Variants in RYR2 observed in about 807,000 individuals in gnomAD.
RYR2 encodes the protein ryanodine receptor 2, also known as cardiac muscle ryanodine receptor-calcium release channel.
Under a neutral mutation model 601.1 loss-of-function variants are expected in RYR2, and 227 were observed. The observed-to-expected ratio is 0.38, with a 90% CI of 0.34 to 0.42. RYR2 has a LOEUF of 0.42. RYR2 is among the 10% of genes least tolerant of loss of function. RYR2 has a pLI of 1.00. For synonymous variants in RYR2, 2,223 were observed against 2,175.1 expected, an observed-to-expected ratio of 1.02 and a Z score of -0.61; for missense variants, 4,646 against 6,156.5, an observed-to-expected ratio of 0.75 and a Z score of 8.21.
intron 1 of RYR2, among the ~76,000 whole-genome samples, chr1:237,118,290 C>G (rs1670362556): frequency 6.6e-6 from 1 of 151,868 alleles, no homozygotes; most frequent in Admixed American, 6.6e-5. Context: ...TCTTCCCACT[C>G]ACCTTACAGA....
At chr1:237,615,084 A>G (rs1678323983) in intron 37 of RYR2, among the ~76,000 whole-genome samples, 1 of 152,164 alleles carries the variant, frequency 6.6e-6, no homozygotes, top group Non-Finnish European at 1.5e-5. Context: ...AAGCCATCAA[A>G]TACCCCTTTC....
rs184252139 is a variant in RYR2, at chr1:237,785,846, C to T, written c.13261-123C>T. 2.3e-4 allele frequency: 165 copies of T among 715,778 alleles called. 1 individual carries two copies. In the East Asian group the frequency reaches 3.2e-3, roughly 14 times the overall value. The allele number at this position is 715,778 out of a possible 1,614,324, so 44.3% of individuals were successfully genotyped here. ...AATGAAAAACACGTGGCGCTTTTAT[C>T]GTGGTATAAGCAAGAGGGTATCTTA... is the stretch of plus-strand genomic sequence containing the variant. On this transcript the variant is annotated intron_variant, in intron 90 of 104. Coordinates refer to ENST00000366574, the MANE Select transcript of RYR2 (RefSeq NM_001035.3).
intron 72 of RYR2, among the ~76,000 whole-genome samples, chr1:237,717,950 A>G (rs1405422695): frequency 6.6e-6 from 1 of 152,224 alleles, no homozygotes; most frequent in Non-Finnish European, 1.5e-5. Context: ...TCCACATTGA[A>G]TCACTGAAGC....
chr1:237,808,912 C>A lies in RYR2; in HGVS notation c.14310C>A (p.Thr4770=), dbSNP rs372967537. The change falls in exon 100 of 105, where the codon ACC becomes ACA. Residue 4770 remains threonine, a synonymous_variant. Coordinates refer to ENST00000366574, the MANE Select transcript of RYR2 (RefSeq NM_001035.3). ...VTHNGKQLVL[T]VGLLAVVVYL... ...ACATTGTTTTCCAGCTCGTATTAAC[C>A]GTTGGCTTATTAGCTGTTGTTGTAT... 5 of 1,613,468 alleles carry A rather than the reference C, an allele frequency of 3.1e-6. No individual in the cohort carries two copies. Among genetic ancestry groups the A allele is most frequent in the African/African-American group, 2.7e-5 (2 of 74,882 alleles).
chr1:237,132,811 T>C (rs1205182013), intron 1 of RYR2, among the ~76,000 whole-genome samples: 2 of 151,972 alleles, frequency 1.3e-5, no homozygotes, highest in Non-Finnish European at 2.9e-5. Context: ...AGAGTAAGGA[T>C]TGGGAAAATG....
In RYR2 at chr1:237,614,170, A is replaced by T; in HGVS notation, c.5042A>T (p.Asp1681Val). The T allele has an allele frequency of 6.2e-7, 1 of 1,614,010 alleles. No individual in the cohort carries two copies. The highest frequency in any genetic ancestry group is 2.2e-5 in the East Asian group (1 of 44,880). ...RVAHALCSHV[D>V]EPQLLYAIEN... ...GCCCATGCCCTGTGCAGCCATGTGGATGAACCTCAGCTCCTCTATGCCATT... is the reference window on the plus strand; with the variant it reads ...GCCCATGCCCTGTGCAGCCATGTGGTTGAACCTCAGCTCCTCTATGCCATT... The change falls in exon 37 of 105, where the codon GAT (aspartate) becomes GTT (valine). Residue 1681 changes from aspartate (D) to valine (V), a missense_variant. Asp to Val is a radical substitution (Grantham distance 152). This residue lies in a region of RYR2 where 1,807 missense variants were observed against 2,088.1 expected (regional missense o/e 0.87). Coordinates refer to ENST00000366574, the MANE Select transcript of RYR2 (RefSeq NM_001035.3). The surrounding 1 kb of genome is among the most constrained non-coding windows in gnomAD (Gnocchi z 4.3).
At position 237,661,895 on chromosome 1, in the gene RYR2, A is replaced by G. The variant is rs374323518; in HGVS notation, c.8436+948A>G. Among the ~76,000 whole-genome samples the G allele has an allele frequency of 4.6e-5, 7 of 152,028 alleles. 1 individual carries two copies. The highest frequency in any genetic ancestry group is 9.6e-5 in the African/African-American group (4 of 41,466). ...GAGTTCAGGGAGGACACCAAATACC[A>G]CCCGTTAACATTTAGTCACGAGGTC... is the stretch of plus-strand genomic sequence containing the variant. On this transcript the variant is annotated intron_variant, in intron 56 of 104. Coordinates refer to ENST00000366574, the MANE Select transcript of RYR2 (RefSeq NM_001035.3).
chr1:237,374,044 AG>A, intron 6 of RYR2, among the ~76,000 whole-genome samples: 1 of 152,278 alleles, frequency 6.6e-6, no homozygotes, highest in Non-Finnish European at 1.5e-5. Flanking sequence ...GTCTTTTATA[AG>A]GGAAGAAAAG....
chr1:237,826,608 C>T (rs548036351), intron 101 of RYR2, among the ~76,000 whole-genome samples: 3 of 151,590 alleles, frequency 2.0e-5, no homozygotes, highest in East Asian at 2.0e-4. Context: ...CAAACCTGCA[C>T]GTTCTGCACG....
At chr1:237,734,633 A>G (rs983499771) in intron 79 of RYR2, among the ~76,000 whole-genome samples, 1 of 152,124 alleles carries the variant, frequency 6.6e-6, no homozygotes, top group East Asian at 1.9e-4. Flanking sequence ...TATGTCATTT[A>G]CTCCTCTTGA....
At chr1:237,061,652 T>C (rs1435900978) in intron 1 of RYR2, among the ~76,000 whole-genome samples, 1 of 152,208 alleles carries the variant, frequency 6.6e-6, no homozygotes, top group Non-Finnish European at 1.5e-5. Flanking sequence ...ATGATGTGAA[T>C]AGGAATCTTT....
chr1:237,728,648 G>C (rs1481454912), intron 76 of RYR2, among the ~76,000 whole-genome samples: 1 of 151,968 alleles, frequency 6.6e-6, no homozygotes, highest in Non-Finnish European at 1.5e-5. Flanking sequence ...CATGGATAAA[G>C]CTGGAAACCA....
At chr1:237,650,246 T>C in intron 50 of RYR2, 149 bp downstream of exon 50, 1 of 724,268 alleles carries the variant, frequency 1.4e-6, no homozygotes. Context: ...GAGGTATGAG[T>C]CTTCTCTGAT....
chr1:237,061,283 C>T (rs1662845208), intron 1 of RYR2, among the ~76,000 whole-genome samples: 1 of 38,508 alleles, frequency 2.6e-5, no homozygotes, highest in African/African-American at 7.3e-5. Context: ...TATCATCTAT[C>T]TATCTATCTA....
chr1:237,810,951 A>G (rs1255286633), intron 100 of RYR2, among the ~76,000 whole-genome samples: 1 of 152,108 alleles, frequency 6.6e-6, no homozygotes, highest in Non-Finnish European at 1.5e-5. Context: ...TTCTGGAGGG[A>G]TTTATTCATA....
In RYR2 at chr1:237,651,483, C is replaced by T. The variant is rs684923; in HGVS notation, c.7806C>T (p.His2602=). 0.46 allele frequency: 724,697 copies of T among 1,566,190 alleles called. 172,431 individuals carry two copies. Among genetic ancestry groups the T allele is most frequent in the East Asian group, 0.81 (35,010 of 43,468 alleles). ...LVFDVPLLNE[H]AKMPLKLLTN... ...TTGATGTTCCATTATTAAATGAACA[C>T]GCAAAGATGCCTCTTAAAGTAAGTA... is the stretch of plus-strand genomic sequence containing the variant. Residue 2602 remains histidine (H), a synonymous_variant, in exon 51 of 105, where the codon CAC becomes CAT. Coordinates refer to ENST00000366574, the MANE Select transcript of RYR2 (RefSeq NM_001035.3).
chr1:237,170,005 A>G (rs1189967328), intron 1 of RYR2, among the ~76,000 whole-genome samples: 2 of 152,228 alleles, frequency 1.3e-5, no homozygotes, highest in African/African-American at 2.4e-5. Context: ...TGGGGATTCA[A>G]TGGTGAACAA....
At chr1:237,334,346 T>C (rs1572637369) in intron 3 of RYR2, among the ~76,000 whole-genome samples, 1 of 152,072 alleles carries the variant, frequency 6.6e-6, no homozygotes, top group Non-Finnish European at 1.5e-5. Flanking sequence ...TTGCTTATTG[T>C]GACTATTAGT....
In RYR2 at chr1:237,484,330, A is replaced by C. The variant is rs1052076826; in HGVS notation, c.1709-7476A>C. Among the ~76,000 whole-genome samples the C allele has an allele frequency of 5.9e-5, 9 of 152,156 alleles. No homozygotes were observed. In the East Asian group the frequency reaches 1.5e-3, roughly 26 times the overall value. On this transcript the variant is annotated intron_variant, in intron 17 of 104. Transcript: ENST00000366574. ...GATTTTGACTGTGTTTTATTTTTGCAAAACAGTTGTAACCATAGATGAGAA... is the reference window on the plus strand; with the variant it reads ...GATTTTGACTGTGTTTTATTTTTGCCAAACAGTTGTAACCATAGATGAGAA...
Sources: gnomAD v4.1 joint callset for allele counts (sites outside exome capture counted in the v4.1 genomes callset) on GRCh38, gnomAD v4.1.1 for gene constraint, gnomAD v4.1.1 regional missense constraint, Gnocchi (gnomAD v3.1) non-coding constraint, MANE v1.5 for transcripts, NCBI Gene and HGNC (gene_info 2026-07-23, HGNC 2026-07-21) for gene names.